Variants in SATB1 observed in about 807,000 individuals in gnomAD.
The protein encoded by SATB1 is SATB homeobox 1.
In SATB1, 11 loss-of-function variants were observed where a neutral mutation model predicts 86.9. The observed-to-expected ratio is 0.13, with a 90% confidence interval of 0.08 to 0.21. SATB1 has a LOEUF of 0.21. Among genes scored for constraint, SATB1 ranks in the 10% least tolerant of loss-of-function variants. The pLI, the probability that SATB1 is intolerant of heterozygous loss-of-function variation, is 1.00. For missense variants in SATB1, 551 were observed against 937.6 expected, an observed-to-expected ratio of 0.59 and a Z score of 5.39; for synonymous variants, 357 against 357.2, an observed-to-expected ratio of 1.00 and a Z score of 0.01.
intron 5 of SATB1, among the ~76,000 whole-genome samples, chr3:18,405,791 G>A (rs1697502217): frequency 6.6e-6 from 1 of 152,008 alleles, no homozygotes; most frequent in Non-Finnish European, 1.5e-5. Flanking sequence ...ACAGAAGACT[G>A]AGGGCTAAAC....
At chr3:18,419,633 ATGCACTCTGT>A (rs1162341637) in intron 2 of SATB1, among the ~76,000 whole-genome samples, 1 of 152,142 alleles carries the variant, frequency 6.6e-6, no homozygotes, top group African/African-American at 2.4e-5. Context: ...TACAATATTA[ATGCACTCTGT>A]TTGAAAAGCC....
intron 6 of SATB1, among the ~76,000 whole-genome samples, chr3:18,395,425 A>G (rs1696918295): frequency 1.3e-5 from 2 of 152,212 alleles, no homozygotes; most frequent in Admixed American, 6.5e-5. Flanking sequence ...TGACATAAAA[A>G]GTCACCTACT....
At chr3:18,433,659 T>C (rs890629798) in intron 2 of SATB1, among the ~76,000 whole-genome samples, 1 of 152,106 alleles carries the variant, frequency 6.6e-6, no homozygotes, top group Non-Finnish European at 1.5e-5. Flanking sequence ...TAAGGAATGC[T>C]AATAAAGTGA....
intron 5 of SATB1, among the ~76,000 whole-genome samples, chr3:18,401,434 C>T (rs1032170972): frequency 6.6e-6 from 1 of 151,998 alleles, no homozygotes; most frequent in South Asian, 2.1e-4. Context: ...ACAGATGTCT[C>T]GGAAGTTGCA....
chr3:18,403,643 A>C (rs1206123049), intron 5 of SATB1, among the ~76,000 whole-genome samples: 4 of 152,086 alleles, frequency 2.6e-5, no homozygotes, highest in African/African-American at 9.7e-5. Context: ...CACAATGCAA[A>C]ATGTGTATTT....
chr3:18,398,007 G>A (rs1403590267), intron 5 of SATB1, among the ~76,000 whole-genome samples: 3 of 152,032 alleles, frequency 2.0e-5, no homozygotes, highest in Admixed American at 6.6e-5. Flanking sequence ...CAATAGTAAA[G>A]CTTAAGTTTT....
chr3:18,351,446 C>A, intron 10 of SATB1: 1 of 1,451,642 alleles, frequency 6.9e-7, no homozygotes, highest in South Asian at 1.2e-5. Context: ...CACCCCTAAC[C>A]TACATTCTGT....
Position 18,387,427 on chromosome 3 carries a change from A to C in SATB1, c.1207-816T>G, listed in dbSNP as rs74380038. Among the ~76,000 whole-genome samples, 1,513 of 152,322 alleles carry C rather than the reference A, an allele frequency of 9.9e-3. 6 individuals carry two copies. Among genetic ancestry groups the C allele is most frequent in the Non-Finnish European group, 0.016 (1,117 of 68,018 alleles). ...TCTTGGGGAATAAAAATTGTTAGTG[A>C]TAGAAGAAATTTATAAATCATTAGA... On this transcript the variant is annotated intron_variant, in intron 7 of 10. Coordinates refer to ENST00000338745, the MANE Select transcript of SATB1 (RefSeq NM_002971.6).
At chr3:18,400,275 A>G (rs549046254) in intron 5 of SATB1, among the ~76,000 whole-genome samples, 9 of 152,168 alleles carry the variant, frequency 5.9e-5, no homozygotes, top group Non-Finnish European at 1.2e-4. Context: ...GAGTTCACGT[A>G]GGTCTGGGGC....
intron 9 of SATB1, among the ~76,000 whole-genome samples, chr3:18,360,329 A>G (rs1694846549): frequency 6.6e-6 from 1 of 152,084 alleles, no homozygotes; most frequent in African/African-American, 2.4e-5. Context: ...TAGTTACCCT[A>G]CTGTGCACCA....
chr3:18,410,344 T>G (rs919818200), intron 5 of SATB1, among the ~76,000 whole-genome samples: 2 of 152,010 alleles, frequency 1.3e-5, no homozygotes, highest in Admixed American at 1.3e-4. Flanking sequence ...ACTTCCTTTA[T>G]CTGTGGTATG....
At chr3:18,378,040 C>T in intron 9 of SATB1, 130 bp downstream of exon 9, 1 of 790,574 alleles carries the variant, frequency 1.3e-6, no homozygotes, top group Middle Eastern at 2.4e-4. Context: ...CATTTTAGAG[C>T]TCTGGAAATA....
intron 2 of SATB1, among the ~76,000 whole-genome samples, chr3:18,433,365 TA>T (rs1274614796): frequency 1.3e-5 from 2 of 151,512 alleles, no homozygotes; most frequent in East Asian, 1.9e-4. Flanking sequence ...CTTTAGATTC[TA>T]TTTTTTTAAT....
At chr3:18,436,392 A>C (rs760035223) in intron 2 of SATB1, among the ~76,000 whole-genome samples, 3 of 151,226 alleles carry the variant, frequency 2.0e-5, no homozygotes, top group Non-Finnish European at 4.4e-5. Flanking sequence ...GCTCTGTTTG[A>C]CTCCGGTATT....
intron 9 of SATB1, among the ~76,000 whole-genome samples, chr3:18,357,700 A>C (rs1347082541): frequency 6.6e-6 from 1 of 151,880 alleles, no homozygotes; most frequent in Admixed American, 6.6e-5. Context: ...AAAGATGCCA[A>C]GTGATTAATA....
intron 4 of SATB1, 106 bp from the exon 5 acceptor site, chr3:18,415,340 T>G: frequency 7.8e-7 from 1 of 1,290,308 alleles, no homozygotes; most frequent in Admixed American, 1.9e-5. Flanking sequence ...AACAGATGCA[T>G]CTGGAGATTG....
intron 5 of SATB1, among the ~76,000 whole-genome samples, chr3:18,400,813 G>A (rs1233936169): frequency 2.0e-5 from 3 of 152,142 alleles, no homozygotes; most frequent in Non-Finnish European, 4.4e-5. Context: ...ACAGTATTTT[G>A]AGTCTTTTTA....
At chr3:18,351,949 T>C in intron 10 of SATB1, 43 bp downstream of exon 10, 1 of 1,582,352 alleles carries the variant, frequency 6.3e-7, no homozygotes, top group Non-Finnish European at 8.7e-7. Flanking sequence ...GTTTAAAGCT[T>C]TATTTACTTA....
At chr3:18,351,380 C>T (rs867033548) in intron 10 of SATB1, 2 of 1,554,536 alleles carry the variant, frequency 1.3e-6, no homozygotes, top group Non-Finnish European at 1.7e-6. Flanking sequence ...TCTAGACTCT[C>T]CTTTCCCAAG....
Sources: gnomAD v4.1 joint callset for allele counts (sites outside exome capture counted in the v4.1 genomes callset) on GRCh38, gnomAD v4.1.1 for gene constraint, MANE v1.5 for transcripts, NCBI Gene and HGNC (gene_info 2026-07-23, HGNC 2026-07-21) for gene names.